LANCL1: variants seen among roughly 807,000 people sequenced by gnomAD.
LANCL1 encodes LanC like glutathione S-transferase 1.
LANCL1 carries 50 observed loss-of-function variants against 50.6 expected under a neutral mutation model. The ratio of observed to expected loss-of-function variants is 0.99; its 90% CI spans 0.79 to 1.25. LANCL1 has a LOEUF of 1.25. LANCL1 is among the 50% of genes most tolerant of loss of function. LANCL1 has a pLI of 0.00. For synonymous variants in LANCL1, 188 were observed against 178.6 expected (o/e 1.05, Z -0.42); for missense variants, 532 against 480.7 (o/e 1.11, Z -1.00).
chr2:210,440,588 C>G lies in LANCL1; in HGVS notation c.690+10G>C. On this transcript the variant is annotated intron_variant, in intron 6 of 9. Transcript: ENST00000450366. ...GGACATTTTAAAATTTCACCATAATCACTCCTTACCTGCATCAGGTAGTAA... is the reference window on the plus strand; with the variant it reads ...GGACATTTTAAAATTTCACCATAATGACTCCTTACCTGCATCAGGTAGTAA... 1.2e-6 allele frequency: 2 copies of G among 1,601,408 alleles called. No individual in the cohort carries two copies. The highest frequency in any genetic ancestry group is 1.7e-6 in the Non-Finnish European group (2 of 1,175,200).
Position 210,436,339 on chromosome 2 carries a change from G to C in LANCL1, c.927C>G (p.Ile309Met). ...CCTTCTTCAGCAACCCATATTGCCA[G>C]ATCACATCAGCACACTGATAGGCAT... The part of the protein sequence containing the change: ...LCDAYQCADV[I>M]WQYGLLKKGY... Residue 309 changes from isoleucine to methionine, a missense_variant, in exon 8 of 10, where the codon ATC (isoleucine) becomes ATG (methionine). By Grantham distance (10) the Ile-to-Met change is conservative. Transcript: ENST00000450366. 1 of 1,614,038 alleles carries C rather than the reference G, an allele frequency of 6.2e-7. No individual in the cohort carries two copies. Among genetic ancestry groups the C allele is most frequent in the Non-Finnish European group, 8.5e-7 (1 of 1,179,964 alleles).
chr2:210,434,575 GAA>G lies in LANCL1; in HGVS notation c.1124-14_1124-13del, dbSNP rs545128434. 1.4e-4 allele frequency: 233 copies of G among 1,608,764 alleles called. 4 individuals are homozygous for G. In the South Asian group the frequency reaches 2.3e-3, roughly 16 times the overall value. On this transcript the variant is annotated splice_polypyrimidine_tract_variant and intron_variant, in intron 9 of 9. Transcript: ENST00000450366. ...TGTTCCAGCCATTCCTGAAGAAAGA[GAA>G]AGAGGCAAAAGTTATTATACCAAAT...
intron 4 of LANCL1, among the ~76,000 whole-genome samples, chr2:210,446,967 T>G (rs530428854): frequency 6.6e-6 from 1 of 152,000 alleles, no homozygotes; most frequent in South Asian, 2.1e-4. Context: ...ACATTCACAT[T>G]CAGGAACAAC....
intron 3 of LANCL1, chr2:210,460,922 G>A (rs1298060151): frequency 3.9e-5 from 6 of 152,002 alleles, no homozygotes; most frequent in East Asian, 3.8e-4. Context: ...TAATTTCAGA[G>A]CTGACTAACC....
intron 3 of LANCL1, 173 bp downstream of exon 3, chr2:210,471,786 C>T (rs1694230825): frequency 1.4e-6 from 1 of 740,574 alleles, no homozygotes; most frequent in Non-Finnish European, 2.5e-6. Context: ...ATTAAAAACC[C>T]AGAAGATACC....
intron 4 of LANCL1, among the ~76,000 whole-genome samples, chr2:210,446,749 G>A (rs1371133077): frequency 6.6e-6 from 1 of 151,810 alleles, no homozygotes; most frequent in East Asian, 1.9e-4. Flanking sequence ...GCAGAAGAAA[G>A]GATATCAGAG....
chr2:210,453,628 A>C (rs1392203599), intron 4 of LANCL1, among the ~76,000 whole-genome samples: 2 of 152,174 alleles, frequency 1.3e-5, no homozygotes, highest in Non-Finnish European at 2.9e-5. Context: ...TGGGAGCACT[A>C]CAATTTATCT....
intron 3 of LANCL1, chr2:210,469,247 G>A (rs547279333): frequency 6.6e-6 from 1 of 152,174 alleles, no homozygotes; most frequent in Admixed American, 6.5e-5. Flanking sequence ...TTATGAATAA[G>A]TGATACTTGG....
In LANCL1 at chr2:210,472,203, AC is replaced by A. The variant is rs199549361; in HGVS notation, c.82-128del. On this transcript the variant is annotated intron_variant, in intron 2 of 9. Transcript: ENST00000450366. ...CATATTTTTCCACCTGGAAGACTAA[AC>A]AATTTATTTTCTATTCTTAAACAAC... 4,351 of 613,722 alleles carry A rather than the reference AC, an allele frequency of 7.1e-3. 77 individuals are homozygous for A. The highest frequency in any genetic ancestry group is 0.051 in the African/African-American group (2,805 of 54,482). 38.0% of individuals were successfully genotyped at this position (613,722 alleles called of 1,614,324 possible). A position where few individuals can be genotyped will look rare whatever the true frequency, so the allele number is the denominator to read the frequency against.
At chr2:210,471,713 G>A in intron 3 of LANCL1, 1 of 705,404 alleles carries the variant, frequency 1.4e-6, no homozygotes, top group Non-Finnish European at 2.6e-6. Context: ...AAGTATAGCA[G>A]CCATCCAAAT....
chr2:210,437,340 G>C (rs894515459), intron 7 of LANCL1, among the ~76,000 whole-genome samples: 2 of 152,094 alleles, frequency 1.3e-5, no homozygotes, highest in African/African-American at 4.8e-5. Context: ...CAATTCATCT[G>C]TTGATGAATA....
Position 210,472,019 on chromosome 2 carries a change from T to C in LANCL1, c.139A>G (p.Met47Val), listed in dbSNP as rs749929435. 6.2e-6 allele frequency: 10 copies of C among 1,614,180 alleles called. No individual in the cohort carries two copies. In the South Asian group the frequency reaches 9.9e-5, roughly 16 times the overall value. The stretch of plus-strand genomic sequence containing the variant: ...TCTGCTGATTTCAGGCCTCTCTCCA[T>C]TTGCTGAAGAAGCTCCCGAATCTTA... The part of the protein sequence containing the change: ...TNKIRELLQQ[M>V]ERGLKSADPR... The change falls in exon 3 of 10, where the codon ATG becomes GTG. Residue 47 changes from methionine to valine, a missense_variant. By Grantham distance (21) the Met-to-Val change is conservative. Coordinates refer to ENST00000450366, the MANE Select transcript of LANCL1 (RefSeq NM_006055.3).
At chr2:210,435,326 T>C (rs1172233179) in intron 9 of LANCL1, 61 bp downstream of exon 9, 3 of 1,326,718 alleles carry the variant, frequency 2.3e-6, no homozygotes, top group East Asian at 2.3e-5. Context: ...AATACATTAA[T>C]TACCAAGCAG....
intron 4 of LANCL1, among the ~76,000 whole-genome samples, chr2:210,447,599 T>G (rs372489496): frequency 1.3e-3 from 198 of 152,212 alleles, no homozygotes; most frequent in African/African-American, 4.3e-3. Flanking sequence ...TATGCTGTAT[T>G]CAGGAGACCC....
intron 5 of LANCL1, 48 bp from the exon 6 acceptor site, chr2:210,440,792 C>A (rs1003818688): frequency 1.3e-6 from 2 of 1,570,484 alleles, no homozygotes; most frequent in Non-Finnish European, 1.7e-6. Context: ...GAACAAAAAT[C>A]TTCCTGGAGG....
At chr2:210,464,981 A>AAAACAACAACAAC (rs1553714462) in intron 3 of LANCL1, among the ~76,000 whole-genome samples, 3 of 138,284 alleles carry the variant, frequency 2.2e-5, no homozygotes, top group African/African-American at 7.7e-5. Context: ...TCAAAAAAAA[A>AAAACAACAACAAC]AAAAAAAAAA....
intron 3 of LANCL1, among the ~76,000 whole-genome samples, chr2:210,455,906 G>A (rs1693661720): frequency 6.6e-6 from 1 of 150,694 alleles, no homozygotes; most frequent in Non-Finnish European, 1.5e-5. Flanking sequence ...TTATTTGATA[G>A]CTGAGAAAAA....
rs1694241642 is a variant in LANCL1 at position 210,472,023 on chromosome 2, C to A, written c.135G>T (p.Gln45His). Residue 45 changes from glutamine (Q) to histidine (H), a missense_variant, in exon 3 of 10, where the codon CAG becomes CAT. Gln to His is a conservative substitution (Grantham distance 24). Coordinates refer to ENST00000450366, the MANE Select transcript of LANCL1 (RefSeq NM_006055.3). ...RLTNKIRELL[Q>H]QMERGLKSAD... ...CTGATTTCAGGCCTCTCTCCATTTG[C>A]TGAAGAAGCTCCCGAATCTTATTGG... is the stretch of plus-strand genomic sequence containing the variant. 4 of 1,614,060 alleles carry A rather than the reference C, an allele frequency of 2.5e-6. No individual in the cohort carries two copies. Among genetic ancestry groups the A allele is most frequent in the Middle Eastern group, 1.6e-4 (1 of 6,084 alleles).
chr2:210,438,923 G>C (rs1437506570), intron 6 of LANCL1, among the ~76,000 whole-genome samples: 2 of 152,152 alleles, frequency 1.3e-5, no homozygotes, highest in Admixed American at 1.3e-4. Context: ...AAGGTGTGGG[G>C]CATGTGGTGG....
Sources: gnomAD v4.1 joint callset for allele counts (sites outside exome capture counted in the v4.1 genomes callset) on GRCh38, gnomAD v4.1.1 for gene constraint, MANE v1.5 for transcripts, NCBI Gene and HGNC (gene_info 2026-07-23, HGNC 2026-07-21) for gene names.